CEP76: variants seen among roughly 807,000 people sequenced by gnomAD.
CEP76 encodes the protein centrosomal protein 76, also known as centrosomal protein of 76 kDa.
Under a neutral mutation model 83.3 loss-of-function variants are expected in CEP76, and 55 were observed. The ratio of observed to expected loss-of-function variants is 0.66; its 90% CI spans 0.53 to 0.83. The LOEUF (loss-of-function observed/expected upper bound fraction) is 0.83, where lower values mean the gene tolerates loss of function less well. Among genes scored for constraint, CEP76 ranks in the 40% least tolerant of loss-of-function variants. The pLI is 0.00. For synonymous variants in CEP76, 270 were observed against 274.5 expected, an observed-to-expected ratio of 0.98 and a Z score of 0.16; for missense variants, 694 against 799.5, an observed-to-expected ratio of 0.87 and a Z score of 1.59.
intron 9 of CEP76, among the ~76,000 whole-genome samples, chr18:12,680,415 G>A (rs981267976): frequency 6.6e-6 from 1 of 151,362 alleles, no homozygotes; most frequent in African/African-American, 2.4e-5. Flanking sequence ...GGCTAACATG[G>A]TGAAAACTTG....
intron 9 of CEP76, among the ~76,000 whole-genome samples, chr18:12,680,157 G>A (rs907676093): frequency 2.0e-5 from 3 of 152,104 alleles, no homozygotes; most frequent in Admixed American, 2.0e-4. Context: ...AATATTTGAG[G>A]TAAAAGTTTT....
Position 12,673,424 on chromosome 18 carries a change from G to A in CEP76, c.1921C>T (p.Pro641Ser). The change falls in exon 12 of 12, where the codon CCT (proline) becomes TCT (serine). Residue 641 changes from proline (P) to serine (S), a missense_variant. Physicochemically the swap from Pro to Ser is moderately conservative, Grantham distance 74 (BLOSUM62 -1). Coordinates refer to ENST00000262127, the MANE Select transcript of CEP76 (RefSeq NM_024899.4). ...LAVRVRVFTY[P>S]ESACAVWIMF... ...ATCCAAACAGCACATGCAGATTCAG[G>A]GTAAGTAAATACTCGGACACGAACT... 3.7e-6 allele frequency: 6 copies of A among 1,604,858 alleles called. No individual in the cohort carries two copies. The highest frequency in any genetic ancestry group is 5.1e-6 in the Non-Finnish European group (6 of 1,176,968).
At chr18:12,688,890 G>A (rs2039643840) in intron 7 of CEP76, among the ~76,000 whole-genome samples, 1 of 152,058 alleles carries the variant, frequency 6.6e-6, no homozygotes, top group Non-Finnish European at 1.5e-5. Context: ...CGAGGCGGGC[G>A]GGTCATGAGG....
rs2040089507 is a variant in CEP76 at position 12,699,838 on chromosome 18, A to T, written c.287T>A (p.Leu96Ter). 1 of 1,555,192 alleles carries T rather than the reference A, an allele frequency of 6.4e-7. No homozygotes were observed. Among genetic ancestry groups the T allele is most frequent in the Non-Finnish European group, 8.8e-7 (1 of 1,141,066 alleles). Reference protein sequence around the residue: ...QPICFDRQSTLKKTNIDPTRR... With the variant: ...QPICFDRQST Reference sequence around the variant, plus strand: ...TGTTAAAATATACATACTTTTTTTTAATGTCGATTGTCTATCAAAACAAAT... The same window carrying T: ...TGTTAAAATATACATACTTTTTTTTTATGTCGATTGTCTATCAAAACAAAT... Residue 96 changes from leucine to a stop codon, truncating the protein, a stop_gained, in exon 3 of 12, where the codon TTA (leucine) becomes TAA (stop). Coordinates refer to ENST00000262127, the MANE Select transcript of CEP76 (RefSeq NM_024899.4). LOFTEE classifies it high-confidence loss of function.
rs1003036950 is a variant in CEP76, at chr18:12,702,703, G to A, written c.-155C>T. 1.2e-6 allele frequency: 1 copy of A among 809,926 alleles called. No homozygotes were observed. The highest frequency in any genetic ancestry group is 1.8e-6 in the Non-Finnish European group (1 of 540,998). The allele number at this position is 809,926 out of a possible 1,614,324, so 50.2% of individuals were successfully genotyped here. On this transcript the variant is annotated 5_prime_UTR_variant, in exon 1 of 12. Transcript: ENST00000262127. ...CCCGGGGGACGCAACGCCGCGTCAG[G>A]CCGGGGGCTGACCTGGAAATGAGGC...
chr18:12,681,452 G>A (rs750747495), intron 8 of CEP76, among the ~76,000 whole-genome samples: 33 of 151,738 alleles, frequency 2.2e-4, no homozygotes, highest in Non-Finnish European at 4.3e-4. Flanking sequence ...GTCTTACTGT[G>A]TTACCCAGGC....
chr18:12,692,276 A>C (rs2039793144), intron 6 of CEP76: 1 of 151,548 alleles, frequency 6.6e-6, no homozygotes. Flanking sequence ...AGTTCATGCC[A>C]CCGTGCTCCA....
rs1598638707 is a variant in CEP76 at position 12,686,603 on chromosome 18, A to G, written c.934-153T>C. On this transcript the variant is annotated intron_variant, in intron 7 of 11. Coordinates refer to ENST00000262127, the MANE Select transcript of CEP76 (RefSeq NM_024899.4). ...TATTTGGCTGCAAAGTGCTGTGTAT[A>G]TAATTTCCCTTAATCCTCATCTCCG... The G allele has an allele frequency of 5.4e-6, 3 of 555,622 alleles. No homozygotes were observed. The East Asian group carries it at 9.5e-5, about 18-fold the overall frequency. 34.4% of individuals were successfully genotyped at this position (555,622 alleles called of 1,614,324 possible).
downstream of CEP76, among the ~76,000 whole-genome samples, chr18:12,667,643 C>A (rs2038828858): frequency 6.6e-6 from 1 of 151,520 alleles, no homozygotes; most frequent in Non-Finnish European, 1.5e-5. Context: ...TGCCTGTACT[C>A]CCAGCTACTC....
chr18:12,672,219 A>G (rs1463547471), downstream of CEP76, among the ~76,000 whole-genome samples: 1 of 151,028 alleles, frequency 6.6e-6, no homozygotes, highest in Non-Finnish European at 1.5e-5. Context: ...GGTTCAAGCG[A>G]TTCTCCTGCC....
downstream of CEP76, among the ~76,000 whole-genome samples, chr18:12,671,671 C>G (rs1472703536): frequency 9.9e-6 from 1 of 101,504 alleles, no homozygotes; most frequent in South Asian, 3.3e-4. Flanking sequence ...TTTTTTGAGA[C>G]AGAGTCTTGC....
intron 10 of CEP76, among the ~76,000 whole-genome samples, chr18:12,675,318 T>C (rs1971702): frequency 0.39 from 59,470 of 151,570 alleles, 12,051 homozygotes; most frequent in Non-Finnish European, 0.45. Context: ...ATGGTATGAA[T>C]CCGGGAGGCA....
rs1443651689 is a variant in CEP76, at chr18:12,691,363, G to C, written c.929C>G (p.Ala310Gly). ...SHNSRLVKIF[A>G]QDENGINRPV... ...ATTCTAATATAATTTACAAACCTGT[G>C]CAAAAATCTTAACCAGTCGTGAGTT... Residue 310 changes from alanine (A) to glycine (G), a missense_variant, in exon 7 of 12, where the codon GCA (alanine) becomes GGA (glycine). Transcript: ENST00000262127. The C allele has an allele frequency of 1.3e-6, 2 of 1,569,188 alleles. No individual in the cohort carries two copies. Among genetic ancestry groups the C allele is most frequent in the Non-Finnish European group, 1.7e-6 (2 of 1,158,020 alleles).
downstream of CEP76, among the ~76,000 whole-genome samples, chr18:12,670,228 G>A (rs1041980065): frequency 6.6e-6 from 1 of 151,850 alleles, no homozygotes; most frequent in African/African-American, 2.4e-5. Context: ...TACTTGGGAG[G>A]CTGAGGCAGG....
Position 12,700,972 on chromosome 18 carries a change from G to GTTC in CEP76, c.202_204dup (p.Glu68dup). 1 of 1,612,892 alleles carries GTTC rather than the reference G, an allele frequency of 6.2e-7. No individual in the cohort carries two copies. Among genetic ancestry groups the GTTC allele is most frequent in the East Asian group, 2.2e-5 (1 of 44,846 alleles). The stretch of plus-strand genomic sequence containing the variant: ...AGATTACTCACAGTAACAAAATTAA[G>GTTC]TTCTTTCATCACATCGTCAATGATT... On this transcript the variant is annotated inframe_insertion, in exon 2 of 12. Coordinates refer to ENST00000262127, the MANE Select transcript of CEP76 (RefSeq NM_024899.4).
Position 12,680,804 on chromosome 18 carries a change from G to A in CEP76, c.1147C>T (p.Leu383Phe), listed in dbSNP as rs1271593028. The A allele has an allele frequency of 1.2e-6, 2 of 1,610,624 alleles. No individual in the cohort carries two copies. Among genetic ancestry groups the A allele is most frequent in the South Asian group, 2.2e-5 (2 of 90,216 alleles). Residue 383 changes from leucine (L) to phenylalanine (F), a missense_variant, in exon 9 of 12, where the codon CTT (leucine) becomes TTT (phenylalanine). Leu to Phe is a conservative substitution (Grantham distance 22). Coordinates refer to ENST00000262127, the MANE Select transcript of CEP76 (RefSeq NM_024899.4). ...TATCCAAGAAGAAGGCTGCACAGAA[G>A]GTTAGCGTGATCTTCACAGTCACCC... is the stretch of plus-strand genomic sequence containing the variant. ...NKGDCEDHAN[L>F]LCSLLLGYGL...
At chr18:12,671,992 G>C (rs1278880830), downstream of CEP76, among the ~76,000 whole-genome samples, 1 of 150,136 alleles carries the variant, frequency 6.7e-6, no homozygotes. Flanking sequence ...GCTAATTTTT[G>C]TATCTTTAGT....
chr18:12,677,979 A>G (rs1788039797), intron 10 of CEP76, 130 bp downstream of exon 10: 2 of 657,832 alleles, frequency 3.0e-6, no homozygotes, highest in South Asian at 2.2e-5. Flanking sequence ...TATAAGCTTC[A>G]TAATAGTAGG....
Position 12,700,959 on chromosome 18 carries a change from G to A in CEP76, c.218C>T (p.Thr73Ile), listed in dbSNP as rs1431019213. ...TTATTTCCCTAAAAGATTACTCACA[G>A]TAACAAAATTAAGTTCTTTCATCAC... ...DDVMKELNFV[T>I]DSVEQELPSS... is the part of the protein sequence containing the mutation. Residue 73 changes from threonine to isoleucine, a missense_variant and splice_region_variant, in exon 2 of 12, where the codon ACT becomes ATT. Thr to Ile is a moderately conservative substitution (Grantham distance 89, BLOSUM62 -1). Coordinates refer to ENST00000262127, the MANE Select transcript of CEP76 (RefSeq NM_024899.4). 8 of 1,611,122 alleles carry A rather than the reference G, an allele frequency of 5.0e-6. No individual in the cohort carries two copies. The highest frequency in any genetic ancestry group is 2.2e-5 in the East Asian group (1 of 44,864).
Sources: allele counts gnomAD v4.1 joint callset (sites outside exome capture counted in the v4.1 genomes callset), GRCh38; gene constraint gnomAD v4.1.1; transcripts MANE v1.5; gene names NCBI Gene and HGNC (gene_info 2026-07-23, HGNC 2026-07-21).